PXDNL: variants seen among roughly 807,000 people sequenced by gnomAD.
PXDNL encodes the protein probable oxidoreductase PXDNL.
A neutral mutation model predicts 150.8 loss-of-function variants in PXDNL; 145 were observed. That is an observed-to-expected ratio of 0.96 (90% confidence interval 0.84 to 1.10). PXDNL has a LOEUF of 1.10. PXDNL is among the 50% of genes least tolerant of loss of function. The pLI is 0.00. For missense variants in PXDNL, 2,087 were observed against 1,873.9 expected (o/e 1.11, Z -2.10); for synonymous variants, 757 against 725.7 (o/e 1.04, Z -0.69).
intron 8 of PXDNL, among the ~76,000 whole-genome samples, chr8:51,468,784 T>A (rs1004843462): frequency 6.6e-6 from 1 of 152,108 alleles, no homozygotes; most frequent in African/African-American, 2.4e-5. Flanking sequence ...TTAACAGAAT[T>A]CACAGTATCA....
At chr8:51,364,012 A>G (rs1806835541) in intron 19 of PXDNL, among the ~76,000 whole-genome samples, 1 of 152,230 alleles carries the variant, frequency 6.6e-6, no homozygotes, top group East Asian at 1.9e-4. Context: ...TAGATTAATG[A>G]CAATCACATC....
chr8:51,552,381 T>C (rs1304660413), intron 4 of PXDNL, among the ~76,000 whole-genome samples: 2 of 152,178 alleles, frequency 1.3e-5, no homozygotes, highest in Non-Finnish European at 2.9e-5. Context: ...CATGCACAAC[T>C]ATGTTTATAG....
intron 1 of PXDNL, among the ~76,000 whole-genome samples, chr8:51,732,271 C>CT (rs1301900415): frequency 2.0e-5 from 3 of 152,182 alleles, no homozygotes; most frequent in Non-Finnish European, 2.9e-5. Flanking sequence ...CCACAAATCT[C>CT]TAGGACAAGG....
intron 2 of PXDNL, among the ~76,000 whole-genome samples, chr8:51,642,817 T>C (rs1459145583): frequency 6.6e-6 from 1 of 152,178 alleles, no homozygotes; most frequent in Non-Finnish European, 1.5e-5. Flanking sequence ...CAAAATCTCC[T>C]TAAGCTGATA....
chr8:51,522,932 C>T (rs1464911427), intron 4 of PXDNL, among the ~76,000 whole-genome samples: 1 of 151,844 alleles, frequency 6.6e-6, no homozygotes, highest in Non-Finnish European at 1.5e-5. Flanking sequence ...AATACTTTAT[C>T]TTTGTGGGAA....
At chr8:51,516,110 G>A (rs1336261797) in intron 4 of PXDNL, among the ~76,000 whole-genome samples, 1 of 151,956 alleles carries the variant, frequency 6.6e-6, no homozygotes, top group Non-Finnish European at 1.5e-5. Context: ...GACTTTTAAA[G>A]GATATTATTA....
In PXDNL at chr8:51,345,862, C is replaced by A. The variant is rs1806137166; in HGVS notation, c.3987G>T (p.Lys1329Asn). ...TTCTTAGATGACTTAACTCCATATC[C>A]TTATCAACAGGATAGCTGTATTGAG... ...RSAQYSYPVD[K>N]DMELSHLRSR... Residue 1329 changes from lysine (K) to asparagine (N), a missense_variant, in exon 20 of 23, where the codon AAG becomes AAT. Physicochemically the swap from Lys to Asn is moderately conservative, Grantham distance 94 (BLOSUM62 0). Coordinates refer to ENST00000356297, the MANE Select transcript of PXDNL (RefSeq NM_144651.5). 1 of 1,612,562 alleles carries A rather than the reference C, an allele frequency of 6.2e-7. No individual in the cohort carries two copies. Among genetic ancestry groups the A allele is most frequent in the African/African-American group, 1.3e-5 (1 of 74,902 alleles).
intron 1 of PXDNL, among the ~76,000 whole-genome samples, chr8:51,791,548 C>CT (rs1466537305): frequency 6.6e-6 from 1 of 152,188 alleles, no homozygotes; most frequent in African/African-American, 2.4e-5. Context: ...ATCCAGGTGA[C>CT]TTTCTGCTGC....
At chr8:51,617,974 G>C (rs963280209) in intron 2 of PXDNL, among the ~76,000 whole-genome samples, 1 of 152,182 alleles carries the variant, frequency 6.6e-6, no homozygotes. Context: ...GCTCCAATAC[G>C]GGGATTTCCA....
At chr8:51,529,734 G>C (rs556349872) in intron 4 of PXDNL, among the ~76,000 whole-genome samples, 6 of 152,214 alleles carry the variant, frequency 3.9e-5, no homozygotes, top group Admixed American at 2.6e-4. Context: ...CTAAACATCT[G>C]ATAGCCACCT....
intron 2 of PXDNL, among the ~76,000 whole-genome samples, chr8:51,600,122 G>A (rs187357035): frequency 0.038 from 5,393 of 142,272 alleles, 739 homozygotes; most frequent in African/African-American, 0.13. Context: ...AAATTATATC[G>A]TTTAGATAAT....
chr8:51,655,500 C>G (rs572275276), intron 1 of PXDNL, among the ~76,000 whole-genome samples: 27 of 152,234 alleles, frequency 1.8e-4, no homozygotes, highest in African/African-American at 6.0e-4. Context: ...GAGGATCAAA[C>G]AAATGCCATG....
intron 4 of PXDNL, among the ~76,000 whole-genome samples, chr8:51,534,461 G>A (rs1274046131): frequency 3.2e-5 from 3 of 92,412 alleles, no homozygotes; most frequent in South Asian, 4.7e-4. Context: ...CCGGCCAGCC[G>A]CCCCGTCCGG....
In PXDNL at chr8:51,408,389, G is replaced by A. The variant is rs1024763078; in HGVS notation, c.3235C>T (p.Leu1079Phe). 1.2e-5 allele frequency: 19 copies of A among 1,613,920 alleles called. No individual in the cohort carries two copies. Among genetic ancestry groups the A allele is most frequent in the Admixed American group, 1.7e-5 (1 of 60,014 alleles). Residue 1079 changes from leucine to phenylalanine, a missense_variant, in exon 17 of 23, where the codon CTT becomes TTT. Transcript: ENST00000356297. ...ATLGEISEGH[L>F]PFHKALFSPS... ...GAAAAGAGCGCTTTATGGAACGGAAGGTGGCCTTCGGAAATTTCACCTAAG... is the reference window on the plus strand; with the variant it reads ...GAAAAGAGCGCTTTATGGAACGGAAAGTGGCCTTCGGAAATTTCACCTAAG...
chr8:51,459,614 C>T (rs905096551), intron 8 of PXDNL, among the ~76,000 whole-genome samples: 3 of 152,288 alleles, frequency 2.0e-5, no homozygotes, highest in South Asian at 2.1e-4. Flanking sequence ...ATAACCTCTT[C>T]GTTATGCTCA....
chr8:51,400,166 T>A (rs1425502286), intron 17 of PXDNL, among the ~76,000 whole-genome samples: 1 of 152,192 alleles, frequency 6.6e-6, no homozygotes, highest in African/African-American at 2.4e-5. Context: ...ACATACATAA[T>A]GAGATATCAT....
rs530106626 is a variant in PXDNL at position 51,582,423 on chromosome 8, G to T, written c.308+10204C>A. 1.3e-4 allele frequency among the ~76,000 whole-genome samples: 20 copies of T among 152,240 alleles called. No individual in the cohort carries two copies. The East Asian group carries it at 3.3e-3, about 25-fold the overall frequency. ...TACAGTAAATGTATGTTATTCTCAT[G>T]ACTAGAAAAAGATCTTTTCAGCAAC... On this transcript the variant is annotated intron_variant, in intron 3 of 22. Transcript: ENST00000356297.
intron 2 of PXDNL, among the ~76,000 whole-genome samples, chr8:51,601,196 TG>T (rs1296735496): frequency 6.6e-6 from 1 of 151,726 alleles, no homozygotes; most frequent in Non-Finnish European, 1.5e-5. Flanking sequence ...ATATATTCTG[TG>T]GTTGATCCAT....
At chr8:51,721,574 G>C (rs1816729712) in intron 1 of PXDNL, 1 of 274,404 alleles carries the variant, frequency 3.6e-6, no homozygotes, top group African/African-American at 2.2e-5. Flanking sequence ...CATGGCACAT[G>C]TATACATATG....
Sources: allele counts gnomAD v4.1 joint callset (sites outside exome capture counted in the v4.1 genomes callset), GRCh38; gene constraint gnomAD v4.1.1; transcripts MANE v1.5; gene names NCBI Gene and HGNC (gene_info 2026-07-23, HGNC 2026-07-21).